PTPRT: variants seen among roughly 807,000 people sequenced by gnomAD.
PTPRT encodes the protein receptor-type tyrosine-protein phosphatase T.
A neutral mutation model predicts 176.8 loss-of-function variants in PTPRT; 56 were observed. The observed-to-expected ratio is 0.32, with a 90% CI of 0.26 to 0.40. PTPRT has a LOEUF of 0.40. Among genes scored for constraint, PTPRT ranks in the 10% least tolerant of loss-of-function variants. The probability of loss-of-function intolerance (pLI) is 1.00; values close to 1 mark genes in which losing one functional copy is unlikely to be tolerated. For synonymous variants in PTPRT, 783 were observed against 739.0 expected, an observed-to-expected ratio of 1.06 and a Z score of -0.96; for missense variants, 1,540 against 1,908.2, an observed-to-expected ratio of 0.81 and a Z score of 3.60.
At chr20:42,724,943 C>T (rs1252606971) in intron 6 of PTPRT, among the ~76,000 whole-genome samples, 5 of 151,940 alleles carry the variant, frequency 3.3e-5, no homozygotes, top group African/African-American at 7.3e-5. Context: ...ATCATACCAG[C>T]AAAATCCCTT....
intron 9 of PTPRT, among the ~76,000 whole-genome samples, chr20:42,408,348 G>C (rs937258213): frequency 2.0e-5 from 3 of 152,052 alleles, no homozygotes; most frequent in African/African-American, 7.2e-5. Flanking sequence ...TATATAGTAA[G>C]TGACAAATAT....
intron 1 of PTPRT, among the ~76,000 whole-genome samples, chr20:43,100,341 C>T (rs1481935880): frequency 2.6e-5 from 4 of 152,160 alleles, no homozygotes; most frequent in African/African-American, 4.8e-5. Context: ...CGCGCCACTA[C>T]ACTCCAGCCT....
intron 19 of PTPRT, among the ~76,000 whole-genome samples, chr20:42,127,217 C>T (rs1446209215): frequency 6.6e-6 from 1 of 152,142 alleles, no homozygotes; most frequent in Non-Finnish European, 1.5e-5. Flanking sequence ...CCAGAAATAA[C>T]CAGAGCCCCA....
At chr20:43,058,219 G>C (rs1205126028) in intron 1 of PTPRT, among the ~76,000 whole-genome samples, 1 of 152,008 alleles carries the variant, frequency 6.6e-6, no homozygotes, top group Non-Finnish European at 1.5e-5. Context: ...AAAAGTAAGA[G>C]GGGAGGAAAA....
At chr20:42,422,689 C>A (rs186766704) in intron 9 of PTPRT, among the ~76,000 whole-genome samples, 32 of 152,280 alleles carry the variant, frequency 2.1e-4, no homozygotes, top group Middle Eastern at 3.4e-3. Flanking sequence ...CCAGCAATCC[C>A]ATTACTGGGT....
chr20:42,879,170 C>T (rs769017760), intron 2 of PTPRT, among the ~76,000 whole-genome samples: 2 of 152,158 alleles, frequency 1.3e-5, no homozygotes, highest in Non-Finnish European at 2.9e-5. Flanking sequence ...CCTAGAACTG[C>T]TATTAAAAAT....
At position 43,011,966 on chromosome 20, in the gene PTPRT, G is replaced by A. The variant is rs534086788; in HGVS notation, c.89-126034C>T. On this transcript the variant is annotated intron_variant, in intron 1 of 30. Coordinates refer to ENST00000373187, the MANE Select transcript of PTPRT (RefSeq NM_007050.6). ...TCAGACCCCAAGTTCTTCAGCTTTT[G>A]GACTTTTGGTCTTACACCAGTGACT... 3.3e-5 allele frequency among the ~76,000 whole-genome samples: 5 copies of A among 152,256 alleles called. No homozygotes were observed. The South Asian group carries it at 1.0e-3, about 32-fold the overall frequency.
chr20:42,219,867 T>C (rs1030016718), intron 15 of PTPRT, among the ~76,000 whole-genome samples: 1 of 152,108 alleles, frequency 6.6e-6, no homozygotes, highest in East Asian at 1.9e-4. Context: ...TTTAGAGCAA[T>C]ACAGAATATG....
chr20:42,357,962 T>C (rs1391796974), intron 9 of PTPRT, among the ~76,000 whole-genome samples: 1 of 151,168 alleles, frequency 6.6e-6, no homozygotes, highest in Non-Finnish European at 1.5e-5. Context: ...TTGAAGGTCA[T>C]AGAAAAGCAA....
At position 42,142,719 on chromosome 20, in the gene PTPRT, TAATAA is replaced by T. The variant is rs565855127; in HGVS notation, c.2683-722_2683-718del. 3.1e-3 allele frequency among the ~76,000 whole-genome samples: 467 copies of T among 152,326 alleles called. 3 individuals are homozygous for T. Among genetic ancestry groups the T allele is most frequent in the African/African-American group, 0.01 (432 of 41,574 alleles). The stretch of plus-strand genomic sequence containing the variant: ...AGGCATAGCAAGAGATTAAGAACAA[TAATAA>T]AATAGTATGACAACAATATACTACA... On this transcript the variant is annotated intron_variant, in intron 17 of 30. Coordinates refer to ENST00000373187, the MANE Select transcript of PTPRT (RefSeq NM_007050.6).
intron 7 of PTPRT, among the ~76,000 whole-genome samples, chr20:42,661,552 A>C (rs1016472232): frequency 6.6e-6 from 1 of 152,140 alleles, no homozygotes; most frequent in African/African-American, 2.4e-5. Flanking sequence ...GGCTGCATCC[A>C]TTTTCCGCCC....
At chr20:42,068,405 T>G (rs1010566661), downstream of PTPRT, among the ~76,000 whole-genome samples, 1 of 152,156 alleles carries the variant, frequency 6.6e-6, no homozygotes, top group African/African-American at 2.4e-5. Context: ...GCCAACAAGG[T>G]GCTCTTACCA....
At chr20:42,564,122 G>C (rs1042788070) in intron 7 of PTPRT, among the ~76,000 whole-genome samples, 6 of 152,140 alleles carry the variant, frequency 3.9e-5, no homozygotes, top group African/African-American at 1.4e-4. Flanking sequence ...ATAACCACAG[G>C]GTAACCCCTA....
At chr20:43,173,330 C>T (rs115434062) in intron 1 of PTPRT, among the ~76,000 whole-genome samples, 4 of 152,138 alleles carry the variant, frequency 2.6e-5, no homozygotes, top group African/African-American at 9.7e-5. Context: ...AAAAGTCAAC[C>T]GCAAGGTGTT....
At chr20:42,047,889 C>T in the PTPRT span, among the ~76,000 whole-genome samples, 1 of 152,198 alleles carries the variant, frequency 6.6e-6, no homozygotes, top group Non-Finnish European at 1.5e-5. Flanking sequence ...TATCATCTTC[C>T]TAGTCTTGGT....
In PTPRT at chr20:43,005,200, A is replaced by T. The variant is rs138200643; in HGVS notation, c.89-119268T>A. On this transcript the variant is annotated intron_variant, in intron 1 of 30. Transcript: ENST00000373187. ...CCAGCTCTTCCTCCATTGGTTTCTTACTGCTGTAACCACAAAAAGGTAAGG... is the reference window on the plus strand; with the variant it reads ...CCAGCTCTTCCTCCATTGGTTTCTTTCTGCTGTAACCACAAAAAGGTAAGG... Among the ~76,000 whole-genome samples the T allele has an allele frequency of 1.8e-3, 276 of 152,190 alleles. 2 individuals are homozygous for T. The highest frequency in any genetic ancestry group is 6.3e-3 in the African/African-American group (260 of 41,516).
chr20:43,057,518 T>C (rs1987294642), intron 1 of PTPRT, among the ~76,000 whole-genome samples: 1 of 152,078 alleles, frequency 6.6e-6, no homozygotes, highest in Non-Finnish European at 1.5e-5. Flanking sequence ...AGAAAGTGCA[T>C]GTGAAAACTA....
chr20:42,121,747 A>C (rs951221414), intron 19 of PTPRT, among the ~76,000 whole-genome samples: 1 of 147,046 alleles, frequency 6.8e-6, no homozygotes, highest in Admixed American at 6.8e-5. Context: ...ATATATATGA[A>C]GAGATATATA....
At chr20:42,397,412 G>C (rs547405818) in intron 9 of PTPRT, among the ~76,000 whole-genome samples, 1 of 152,172 alleles carries the variant, frequency 6.6e-6, no homozygotes, top group African/African-American at 2.4e-5. Flanking sequence ...GGTAGTGAGT[G>C]TAGTACCCAA....
Sources: gnomAD v4.1 joint callset for allele counts (sites outside exome capture counted in the v4.1 genomes callset) on GRCh38, gnomAD v4.1.1 for gene constraint, MANE v1.5 for transcripts, NCBI Gene and HGNC (gene_info 2026-07-23, HGNC 2026-07-21) for gene names.